Variants in DACH1 observed in about 807,000 individuals in gnomAD.
DACH1 encodes the protein dachshund homolog 1.
DACH1 carries 12 observed loss-of-function variants against 54.2 expected under a neutral mutation model. The observed-to-expected ratio is 0.22, with a 90% CI of 0.14 to 0.36. The LOEUF (loss-of-function observed/expected upper bound fraction) is 0.36, where lower values mean the gene tolerates loss of function less well. Among genes scored for constraint, DACH1 ranks in the 10% least tolerant of loss-of-function variants. The pLI is 1.00. For synonymous variants in DACH1, 386 were observed against 366.2 expected (o/e 1.05, Z -0.62); for missense variants, 805 against 929.8 (o/e 0.87, Z 1.75).
At chr13:71,595,461 T>C (rs2138474599) in intron 3 of DACH1, among the ~76,000 whole-genome samples, 1 of 152,254 alleles carries the variant, frequency 6.6e-6, no homozygotes. Context: ...AACTGAGTTC[T>C]GAGACTTTCA....
intron 6 of DACH1, among the ~76,000 whole-genome samples, chr13:71,553,032 A>T (rs572848597): frequency 6.8e-6 from 1 of 147,264 alleles, no homozygotes; most frequent in Admixed American, 6.8e-5. Context: ...AAATACAAAA[A>T]TTAGCCAGGC....
In DACH1 at chr13:71,837,718, C is replaced by T. The variant is rs1026262267; in HGVS notation, c.848+28204G>A. ...GCTGCTATAAAGACACACATGCACA[C>T]GTATGTTTATTGCGGCATTATTCAC... On this transcript the variant is annotated intron_variant, in intron 1 of 10. Transcript: ENST00000613252. Among the ~76,000 whole-genome samples, 5 of 148,882 alleles carry T rather than the reference C, an allele frequency of 3.4e-5. No homozygotes were observed. In the East Asian group the frequency reaches 7.5e-4, roughly 22 times the overall value.
chr13:71,739,247 T>C (rs553762790), intron 1 of DACH1, among the ~76,000 whole-genome samples: 13 of 151,954 alleles, frequency 8.6e-5, no homozygotes, highest in African/African-American at 2.9e-4. Context: ...AGTGAAACTA[T>C]GTCTCAATTC....
At chr13:71,762,484 C>T (rs1183513593) in intron 1 of DACH1, among the ~76,000 whole-genome samples, 2 of 152,076 alleles carry the variant, frequency 1.3e-5, no homozygotes, top group Non-Finnish European at 2.9e-5. Context: ...CTAGGTCCGG[C>T]GTGGTGGCTC....
At chr13:71,657,576 T>TA (rs34939790) in intron 2 of DACH1, among the ~76,000 whole-genome samples, 135,558 of 142,392 alleles carry the variant, frequency 0.95, 64,623 homozygotes, top group Non-Finnish European at 0.98. Context: ...CTGTCTCAAA[T>TA]AAAAAAAAAA....
chr13:71,619,060 G>C (rs1876004199), intron 3 of DACH1, among the ~76,000 whole-genome samples: 1 of 151,284 alleles, frequency 6.6e-6, no homozygotes, highest in Non-Finnish European at 1.5e-5. Flanking sequence ...AGGTAGTGCT[G>C]AAAACATTTT....
At chr13:71,751,189 T>C (rs998356156) in intron 1 of DACH1, among the ~76,000 whole-genome samples, 1 of 152,194 alleles carries the variant, frequency 6.6e-6, no homozygotes, top group Non-Finnish European at 1.5e-5. Flanking sequence ...CAAGAACTGT[T>C]TGCATATTCA....
intron 1 of DACH1, among the ~76,000 whole-genome samples, chr13:71,819,661 A>C (rs1312505462): frequency 6.6e-6 from 1 of 152,218 alleles, no homozygotes; most frequent in African/African-American, 2.4e-5. Context: ...CTACTGACAG[A>C]AAAAGAGCAA....
intron 2 of DACH1, among the ~76,000 whole-genome samples, chr13:71,660,717 T>G (rs1879430463): frequency 1.3e-5 from 2 of 151,962 alleles, no homozygotes; most frequent in African/African-American, 4.8e-5. Context: ...AATATTTTTA[T>G]GTAATGTGTA....
rs556326603 is a variant in DACH1 at position 71,500,602 on chromosome 13, G to T, written c.1571-11454C>A. On this transcript the variant is annotated intron_variant, in intron 6 of 10. Coordinates refer to ENST00000613252, the MANE Select transcript of DACH1 (RefSeq NM_080759.6). ...CATCTACATTCTTCATTTTTCAGAT[G>T]AAACAAGCCCAATAACTGATTGACC... 1.2e-4 allele frequency among the ~76,000 whole-genome samples: 19 copies of T among 152,220 alleles called. No homozygotes were observed. The South Asian group carries it at 3.5e-3, about 28-fold the overall frequency.
At chr13:71,850,459 A>T (rs1211612216) in intron 1 of DACH1, among the ~76,000 whole-genome samples, 1 of 152,148 alleles carries the variant, frequency 6.6e-6, no homozygotes, top group Admixed American at 6.5e-5. Flanking sequence ...TGATTTTGAG[A>T]GATATGACCT....
chr13:71,476,853 C>T (rs1490201798), intron 8 of DACH1, among the ~76,000 whole-genome samples: 2 of 151,294 alleles, frequency 1.3e-5, no homozygotes, highest in Non-Finnish European at 2.9e-5. Flanking sequence ...TTAAAATTAT[C>T]TTTGTTGATG....
intron 1 of DACH1, among the ~76,000 whole-genome samples, chr13:71,811,027 A>G (rs1258911844): frequency 2.6e-5 from 4 of 152,146 alleles, no homozygotes; most frequent in Non-Finnish European, 2.9e-5. Context: ...TGAATATTTT[A>G]TAAATATTGG....
At chr13:71,657,025 C>CAT (rs1879153145) in intron 2 of DACH1, among the ~76,000 whole-genome samples, 3 of 137,500 alleles carry the variant, frequency 2.2e-5, no homozygotes, top group African/African-American at 5.9e-5. Flanking sequence ...CACACACACA[C>CAT]ATATATATAC....
chr13:71,686,104 A>G (rs1402595281), intron 1 of DACH1, among the ~76,000 whole-genome samples: 1 of 152,206 alleles, frequency 6.6e-6, no homozygotes, highest in Non-Finnish European at 1.5e-5. Flanking sequence ...GAACTCTCCT[A>G]GCTCTAATCA....
intron 1 of DACH1, among the ~76,000 whole-genome samples, chr13:71,701,722 TG>T (rs1245736451): frequency 6.6e-6 from 1 of 152,118 alleles, no homozygotes. Context: ...GAAAGTATCC[TG>T]TGTGAGATGA....
chr13:71,695,210 G>A (rs183702109), intron 1 of DACH1, among the ~76,000 whole-genome samples: 1 of 152,144 alleles, frequency 6.6e-6, no homozygotes, highest in East Asian at 1.9e-4. Context: ...CTTCAGTCTT[G>A]GTCAAACTTC....
rs1326078698 is a variant in DACH1, at chr13:71,784,122, A to T, written c.848+81800T>A. Among the ~76,000 whole-genome samples the T allele has an allele frequency of 2.0e-5, 3 of 152,200 alleles. No homozygotes were observed. In the East Asian group the frequency reaches 5.8e-4, roughly 29 times the overall value. ...TTTTAAAGGTGATGTATACTTTAGCACAACAGTTGGATTTGTAATGGTACC... is the reference window on the plus strand; with the variant it reads ...TTTTAAAGGTGATGTATACTTTAGCTCAACAGTTGGATTTGTAATGGTACC... On this transcript the variant is annotated intron_variant, in intron 1 of 10. Coordinates refer to ENST00000613252, the MANE Select transcript of DACH1 (RefSeq NM_080759.6).
intron 3 of DACH1, among the ~76,000 whole-genome samples, chr13:71,623,993 A>T (rs547156606): frequency 6.6e-6 from 1 of 151,936 alleles, no homozygotes; most frequent in Non-Finnish European, 1.5e-5. Context: ...AGTGAAGTGC[A>T]CATACTGTTT....
Sources: gnomAD v4.1 joint callset for allele counts (sites outside exome capture counted in the v4.1 genomes callset) on GRCh38, gnomAD v4.1.1 for gene constraint, MANE v1.5 for transcripts, NCBI Gene and HGNC (gene_info 2026-07-23, HGNC 2026-07-21) for gene names.